The following CADM1 variants were observed in gnomAD, a reference collection of about 807,000 sequenced individuals.
CADM1 encodes TSLC-1.
CADM1 carries 15 observed loss-of-function variants against 53.1 expected under a neutral mutation model. The ratio of observed to expected loss-of-function variants is 0.28; its 90% CI spans 0.19 to 0.44. The LOEUF is 0.44. Ranked by LOEUF, CADM1 falls within the 20% of genes least tolerant of loss-of-function variation. The pLI, the probability that CADM1 is intolerant of heterozygous loss-of-function variation, is 1.00. For missense variants in CADM1, 434 were observed against 611.3 expected (o/e 0.71, Z 3.06); for synonymous variants, 281 against 243.0 (o/e 1.16, Z -1.45).
intron 1 of CADM1, among the ~76,000 whole-genome samples, chr11:115,416,107 C>T (rs1356639956): frequency 1.3e-5 from 2 of 152,222 alleles, no homozygotes; most frequent in Non-Finnish European, 2.9e-5. Flanking sequence ...AGTTTAAATA[C>T]TGTAGTGGCA....
intron 1 of CADM1, among the ~76,000 whole-genome samples, chr11:115,385,121 A>T (rs1946667820): frequency 1.3e-5 from 2 of 149,554 alleles, no homozygotes; most frequent in South Asian, 4.2e-4. Context: ...ATTCATACTC[A>T]TTTTAGTTTT....
chr11:115,317,517 G>A (rs1944700221), intron 1 of CADM1, among the ~76,000 whole-genome samples: 1 of 152,184 alleles, frequency 6.6e-6, no homozygotes, highest in Non-Finnish European at 1.5e-5. Context: ...TGAAGAAAAG[G>A]AGACATAAGG....
At chr11:115,197,001 T>C (rs1940189962) in intron 9 of CADM1, among the ~76,000 whole-genome samples, 1 of 152,210 alleles carries the variant, frequency 6.6e-6, no homozygotes, top group Non-Finnish European at 1.5e-5. Flanking sequence ...TTCTCATGAC[T>C]GTCAGCACAC....
At chr11:115,494,236 G>A (rs1949561676) in intron 1 of CADM1, among the ~76,000 whole-genome samples, 1 of 152,062 alleles carries the variant, frequency 6.6e-6, no homozygotes, top group African/African-American at 2.4e-5. Flanking sequence ...GTTGCCTGTG[G>A]TTTTGAAATT....
chr11:115,440,301 G>A (rs781173540), intron 1 of CADM1, among the ~76,000 whole-genome samples: 1 of 152,164 alleles, frequency 6.6e-6, no homozygotes, highest in Non-Finnish European at 1.5e-5. Flanking sequence ...GTGATAAACT[G>A]TAATTGTTTC....
Position 115,272,077 on chromosome 11 carries a change from AT to A in CADM1, c.125-31658del, listed in dbSNP as rs5794962. 6.9e-3 allele frequency among the ~76,000 whole-genome samples: 1,017 copies of A among 148,036 alleles called. 9 individuals carry two copies. Among genetic ancestry groups the A allele is most frequent in the African/African-American group, 0.021 (841 of 40,372 alleles). On this transcript the variant is annotated intron_variant, in intron 1 of 11. Coordinates refer to ENST00000331581, the MANE Select transcript of CADM1 (RefSeq NM_001301043.2). The stretch of plus-strand genomic sequence containing the variant: ...TATCACTTTTTCTGGTTCATTATAG[AT>A]TTTTTTTTTTTTAGGAACTTGCAAA...
intron 1 of CADM1, among the ~76,000 whole-genome samples, chr11:115,449,386 C>T (rs1247702965): frequency 6.6e-6 from 1 of 152,160 alleles, no homozygotes; most frequent in African/African-American, 2.4e-5. Context: ...AGCTAAGAGG[C>T]TCAATGGTCT....
intron 1 of CADM1, among the ~76,000 whole-genome samples, chr11:115,492,233 G>T (rs531664243): frequency 6.6e-6 from 1 of 152,174 alleles, no homozygotes; most frequent in Non-Finnish European, 1.5e-5. Flanking sequence ...TATTAACAAA[G>T]GCTGTGTGAA....
chr11:115,484,571 G>A (rs2135415403), intron 1 of CADM1, among the ~76,000 whole-genome samples: 1 of 152,288 alleles, frequency 6.6e-6, no homozygotes, highest in Non-Finnish European at 1.5e-5. Context: ...TGGACAGGCT[G>A]AACTGGCTCT....
intron 1 of CADM1, among the ~76,000 whole-genome samples, chr11:115,478,593 A>C (rs1949188350): frequency 6.6e-6 from 1 of 152,118 alleles, no homozygotes; most frequent in Admixed American, 6.5e-5. Context: ...TTACCAAGGT[A>C]ACCCAAATTC....
intron 1 of CADM1, among the ~76,000 whole-genome samples, chr11:115,350,557 T>C (rs184007795): frequency 1.4e-3 from 213 of 150,650 alleles, no homozygotes; most frequent in African/African-American, 5.0e-3. Flanking sequence ...GTCATATATA[T>C]TTAAACATCA....
chr11:115,402,516 C>T (rs975186142), intron 1 of CADM1, among the ~76,000 whole-genome samples: 2 of 152,088 alleles, frequency 1.3e-5, no homozygotes, highest in African/African-American at 4.8e-5. Context: ...GAGTGAGACT[C>T]TGTCTCAAAA....
At chr11:115,234,385 G>T (rs961751917) in intron 3 of CADM1, among the ~76,000 whole-genome samples, 2 of 152,136 alleles carry the variant, frequency 1.3e-5, no homozygotes, top group Non-Finnish European at 2.9e-5. Flanking sequence ...TCCAGATTTC[G>T]TTTGGGGGCT....
chr11:115,316,624 T>A (rs2135176537), intron 1 of CADM1, among the ~76,000 whole-genome samples: 2 of 152,276 alleles, frequency 1.3e-5, no homozygotes, highest in African/African-American at 4.8e-5. Context: ...TTACCGTGAA[T>A]AGTCATTTTG....
At chr11:115,334,609 T>C (rs1945217180) in intron 1 of CADM1, among the ~76,000 whole-genome samples, 2 of 152,130 alleles carry the variant, frequency 1.3e-5, no homozygotes, top group South Asian at 4.1e-4. Flanking sequence ...TAGGTATGTA[T>C]GTATAGGGAA....
chr11:115,335,880 C>T (rs1455001116), intron 1 of CADM1, among the ~76,000 whole-genome samples: 1 of 152,114 alleles, frequency 6.6e-6, no homozygotes, highest in African/African-American at 2.4e-5. Context: ...AAAAAATTCA[C>T]ATTTCCACTT....
At chr11:115,267,942 C>A (rs550015974) in intron 1 of CADM1, among the ~76,000 whole-genome samples, 1 of 152,008 alleles carries the variant, frequency 6.6e-6, no homozygotes, top group African/African-American at 2.4e-5. Flanking sequence ...AAATAGGGTT[C>A]GTCTTGTTAG....
chr11:115,366,052 T>C (rs905719833), intron 1 of CADM1, among the ~76,000 whole-genome samples: 1 of 152,218 alleles, frequency 6.6e-6, no homozygotes, highest in Non-Finnish European at 1.5e-5. Flanking sequence ...AATATTTTCA[T>C]TCAGATTAAT....
At chr11:115,232,306 G>T (rs1237083962) in intron 3 of CADM1, among the ~76,000 whole-genome samples, 1 of 152,114 alleles carries the variant, frequency 6.6e-6, no homozygotes, top group Admixed American at 6.5e-5. Flanking sequence ...CAGAAAAATT[G>T]TCTCAAACCA....
Sources: gnomAD v4.1 joint callset for allele counts (sites outside exome capture counted in the v4.1 genomes callset) on GRCh38, gnomAD v4.1.1 for gene constraint, MANE v1.5 for transcripts, NCBI Gene and HGNC (gene_info 2026-07-23, HGNC 2026-07-21) for gene names.